Variants in GALNT12 observed in about 807,000 individuals in gnomAD.
GALNT12 encodes the protein polypeptide N-acetylgalactosaminyltransferase 12.
GALNT12 carries 45 observed loss-of-function variants against 55.5 expected under a neutral mutation model. The ratio of observed to expected loss-of-function variants is 0.81; its 90% CI spans 0.64 to 1.04. The LOEUF (loss-of-function observed/expected upper bound fraction) is 1.04, where lower values mean the gene tolerates loss of function less well. GALNT12 is among the 50% of genes least tolerant of loss of function. The pLI, the probability that GALNT12 is intolerant of heterozygous loss-of-function variation, is 0.00. For synonymous variants in GALNT12, 304 were observed against 312.2 expected (o/e 0.97, Z 0.28); for missense variants, 709 against 754.8 (o/e 0.94, Z 0.71).
At position 98,807,764 on chromosome 9, in the gene GALNT12, G is replaced by A; in HGVS notation, c.66G>A (p.Leu22=). 8.5e-7 allele frequency: 1 copy of A among 1,176,278 alleles called. No homozygotes were observed. Among genetic ancestry groups the A allele is most frequent in the Non-Finnish European group, 1.1e-6 (1 of 946,928 alleles). The allele number at this position is 1,176,278 out of a possible 1,614,324, so 72.9% of individuals were successfully genotyped here. A position where few individuals can be genotyped will look rare whatever the true frequency, so the allele number is the denominator to read the frequency against. Residue 22 remains leucine, a synonymous_variant, in exon 1 of 10, where the codon TTG becomes TTA. Transcript: ENST00000375011. ...RELRRGREAL[L]VLLALLALAG... is the part of the protein sequence containing the mutation. ...TGCGGCGCGGCCGGGAGGCGCTGTT[G>A]GTGCTCCTGGCGCTACTGGCGTTGG... is the stretch of plus-strand genomic sequence containing the variant.
intron 1 of GALNT12, among the ~76,000 whole-genome samples, chr9:98,811,680 G>C (rs891907479): frequency 2.4e-5 from 3 of 126,150 alleles, no homozygotes; most frequent in Non-Finnish European, 5.0e-5. Flanking sequence ...TCTCGAAGTC[G>C]TTCTTTTTTT....
Position 98,808,019 on chromosome 9 carries a change from C to T in GALNT12, c.321C>T (p.Leu107=), listed in dbSNP as rs748389861. The part of the protein sequence containing the change: ...SVRLHQINIY[L]SDRISLHRRL... ...GGCTGCACCAGATTAACATCTACCT[C>T]AGCGACCGCATCTCACTGCACCGCC... Residue 107 remains leucine, a synonymous_variant, in exon 1 of 10, where the codon CTC becomes CTT. Coordinates refer to ENST00000375011, the MANE Select transcript of GALNT12 (RefSeq NM_024642.5). The T allele has an allele frequency of 3.0e-5, 47 of 1,570,294 alleles. No individual in the cohort carries two copies. Among genetic ancestry groups the T allele is most frequent in the Non-Finnish European group, 4.0e-5 (46 of 1,161,374 alleles).
intron 1 of GALNT12, among the ~76,000 whole-genome samples, chr9:98,821,857 A>G (rs1835750260): frequency 1.3e-5 from 2 of 151,708 alleles, no homozygotes; most frequent in African/African-American, 4.8e-5. Context: ...GTTCTCTTTC[A>G]TCACTCTCCT....
intron 1 of GALNT12, among the ~76,000 whole-genome samples, chr9:98,821,446 A>T (rs1835733981): frequency 6.6e-6 from 1 of 151,744 alleles, no homozygotes; most frequent in Admixed American, 6.6e-5. Context: ...ATGGTGAAAC[A>T]CCGTCTCTAC....
At chr9:98,829,203 A>ATCTG (rs907047549) in intron 3 of GALNT12, among the ~76,000 whole-genome samples, 1 of 140,404 alleles carries the variant, frequency 7.1e-6, no homozygotes, top group Non-Finnish European at 1.6e-5. Context: ...CTATCTATCT[A>ATCTG]TCTGAGACAG....
chr9:98,838,484 G>C (rs150599004), intron 6 of GALNT12, among the ~76,000 whole-genome samples: 1 of 152,186 alleles, frequency 6.6e-6, no homozygotes, highest in Non-Finnish European at 1.5e-5. Context: ...TGAGTCTGTC[G>C]GAGGCTGAGG....
Position 98,834,429 on chromosome 9 carries a change from A to G in GALNT12, c.918-820A>G, listed in dbSNP as rs549786733. On this transcript the variant is annotated intron_variant, in intron 4 of 9. Coordinates refer to ENST00000375011, the MANE Select transcript of GALNT12 (RefSeq NM_024642.5). ...AGCCACCGTGCCCAGCCCTTTCCCTATTTCTGAATTCATCCTTTTGCCTGT... is the reference window on the plus strand; with the variant it reads ...AGCCACCGTGCCCAGCCCTTTCCCTGTTTCTGAATTCATCCTTTTGCCTGT... Among the ~76,000 whole-genome samples the G allele has an allele frequency of 7.2e-5, 11 of 151,964 alleles. No homozygotes were observed. In the East Asian group the frequency reaches 1.9e-3, roughly 27 times the overall value.
chr9:98,815,811 ATTG>A (rs1835597209), intron 1 of GALNT12, among the ~76,000 whole-genome samples: 1 of 152,188 alleles, frequency 6.6e-6, no homozygotes, highest in African/African-American at 2.4e-5. Context: ...ATTTCTTTCT[ATTG>A]TTTATTGTTT....
chr9:98,827,429 G>C (rs920577902), intron 3 of GALNT12, among the ~76,000 whole-genome samples: 1 of 152,024 alleles, frequency 6.6e-6, no homozygotes, highest in African/African-American at 2.4e-5. Flanking sequence ...TCAAACTCCT[G>C]ACCTCAAACT....
At chr9:98,831,302 T>C (rs980461115) in intron 3 of GALNT12, among the ~76,000 whole-genome samples, 2 of 152,232 alleles carry the variant, frequency 1.3e-5, no homozygotes, top group Non-Finnish European at 2.9e-5. Flanking sequence ...ACTGAGGCAA[T>C]AGGCTCTGAA....
intron 8 of GALNT12, chr9:98,844,413 GT>G: frequency 1.7e-6 from 1 of 575,220 alleles, no homozygotes; most frequent in East Asian, 3.0e-5. Flanking sequence ...ATTATGTGTT[GT>G]AAATAGTTGT....
chr9:98,845,477 C>A (rs1425420578), intron 8 of GALNT12, among the ~76,000 whole-genome samples: 8 of 152,114 alleles, frequency 5.3e-5, no homozygotes, highest in Admixed American at 5.2e-4. Flanking sequence ...GTAGGAAAAC[C>A]ATTGTCCGGG....
At chr9:98,830,789 C>T (rs1024377390) in intron 3 of GALNT12, among the ~76,000 whole-genome samples, 13 of 152,178 alleles carry the variant, frequency 8.5e-5, no homozygotes, top group Non-Finnish European at 1.3e-4. Context: ...TGCAATTTCC[C>T]GATAGTTGTA....
Position 98,826,789 on chromosome 9 carries a change from A to G in GALNT12, c.579A>G (p.Gly193=), listed in dbSNP as rs146370762. ...LKERLANELS[G]LPKVRLIRAN... ...AGCGCTTGGCCAATGAGCTTTCGGG[A>G]CTGCCCAAGGTGCGCCTGATCCGCG... The change falls in exon 3 of 10, where the codon GGA becomes GGG. Residue 193 remains glycine (G), a synonymous_variant. Transcript: ENST00000375011. 1,755 of 1,611,966 alleles carry G rather than the reference A, an allele frequency of 1.1e-3. 15 individuals carry two copies. The African/African-American group carries it at 0.02, about 18-fold the overall frequency.
chr9:98,807,836 G>A lies in GALNT12; in HGVS notation c.138G>A (p.Gly46=), dbSNP rs557604978. ...VLRAQRGAGA[G]AAEPGPPRTP... is the part of the protein sequence containing the mutation. Reference sequence around the variant, plus strand: ...GGGCGCAGCGTGGGGCCGGGGCCGGGGCTGCCGAGCCGGGACCCCCGCGCA... The same window carrying A: ...GGGCGCAGCGTGGGGCCGGGGCCGGAGCTGCCGAGCCGGGACCCCCGCGCA... The change falls in exon 1 of 10, where the codon GGG becomes GGA. Residue 46 remains glycine, a synonymous_variant. Transcript: ENST00000375011. 2.3e-4 allele frequency: 235 copies of A among 1,016,564 alleles called. 7 individuals carry two copies. The Admixed American group carries it at 0.012, about 51-fold the overall frequency. 63.0% of individuals were successfully genotyped at this position (1,016,564 alleles called of 1,614,324 possible).
intron 1 of GALNT12, among the ~76,000 whole-genome samples, chr9:98,817,166 A>G (rs895436422): frequency 1.3e-5 from 2 of 151,024 alleles, no homozygotes; most frequent in African/African-American, 4.9e-5. Context: ...GGTTTTTGCC[A>G]TGTTGCCCAG....
chr9:98,807,831 G>GCCGGGT lies in GALNT12; in HGVS notation c.138_139insTCCGGG (p.Gly46_Ala47insSerGly), dbSNP rs1220204419. The GCCGGGT allele has an allele frequency of 1.1e-5, 11 of 1,019,112 alleles. No individual in the cohort carries two copies. Among genetic ancestry groups the GCCGGGT allele is most frequent in the African/African-American group, 1.7e-5 (1 of 57,460 alleles). 63.1% of individuals were successfully genotyped at this position (1,019,112 alleles called of 1,614,324 possible). Reference sequence around the variant, plus strand: ...GCTGCGGGCGCAGCGTGGGGCCGGGGCCGGGGCTGCCGAGCCGGGACCCCC... The same window carrying GCCGGGT: ...GCTGCGGGCGCAGCGTGGGGCCGGGGCCGGGTCCGGGGCTGCCGAGCCGGGACCCCC... On this transcript the variant is annotated inframe_insertion, in exon 1 of 10. Transcript: ENST00000375011.
rs777425926 is a variant in GALNT12, at chr9:98,826,845, G to C, written c.635G>C (p.Arg212Pro). ...AAGAGAGAGGGCCTGGTGCGAGCCC[G>C]GCTGCTGGGGGCGTCTGCGGCGAGG... Reference protein sequence around the residue: ...ANKREGLVRARLLGASAARGD... With the variant: ...ANKREGLVRAPLLGASAARGD... Residue 212 changes from arginine to proline, a missense_variant, in exon 3 of 10, where the codon CGG (arginine) becomes CCG (proline). Physicochemically the swap from Arg to Pro is moderately radical, Grantham distance 103 (BLOSUM62 -2). Transcript: ENST00000375011. 53 of 1,608,876 alleles carry C rather than the reference G, an allele frequency of 3.3e-5. No homozygotes were observed. The South Asian group carries it at 5.4e-4, about 17-fold the overall frequency.
At chr9:98,815,840 C>G (rs1294368509) in intron 1 of GALNT12, among the ~76,000 whole-genome samples, 2 of 152,220 alleles carry the variant, frequency 1.3e-5, no homozygotes, top group African/African-American at 2.4e-5. Context: ...TGAACGCGCT[C>G]ACATACACGT....
Sources: gnomAD v4.1 joint callset for allele counts (sites outside exome capture counted in the v4.1 genomes callset) on GRCh38, gnomAD v4.1.1 for gene constraint, MANE v1.5 for transcripts, NCBI Gene and HGNC (gene_info 2026-07-23, HGNC 2026-07-21) for gene names.